The following RALGAPA2 variants were observed in gnomAD, a reference collection of about 807,000 sequenced individuals.
The protein encoded by RALGAPA2 is ral GTPase-activating protein subunit alpha-2.
In RALGAPA2, 139 loss-of-function variants were observed where a neutral mutation model predicts 230.4. The ratio of observed to expected loss-of-function variants is 0.60; its 90% CI spans 0.53 to 0.69. RALGAPA2 has a LOEUF of 0.69. Among genes scored for constraint, RALGAPA2 ranks in the 30% least tolerant of loss-of-function variants. RALGAPA2 has a pLI of 0.00. For missense variants in RALGAPA2, 2,163 were observed against 2,276.0 expected, an observed-to-expected ratio of 0.95 and a Z score of 1.01; for synonymous variants, 847 against 837.8, an observed-to-expected ratio of 1.01 and a Z score of -0.19.
intron 37 of RALGAPA2, among the ~76,000 whole-genome samples, chr20:20,465,458 C>T (rs73287275): frequency 0.038 from 5,730 of 152,148 alleles, 217 homozygotes; most frequent in East Asian, 0.15. Context: ...GGAAGCAGCA[C>T]GCTCCCTATG....
At chr20:20,704,625 C>G (rs2069523134) in intron 1 of RALGAPA2, among the ~76,000 whole-genome samples, 1 of 152,186 alleles carries the variant, frequency 6.6e-6, no homozygotes, top group African/African-American at 2.4e-5. Flanking sequence ...AAAACAAATG[C>G]CAGCAGCCCA....
At chr20:20,568,365 C>T (rs536051311) in intron 23 of RALGAPA2, among the ~76,000 whole-genome samples, 10 of 152,156 alleles carry the variant, frequency 6.6e-5, no homozygotes, top group Admixed American at 4.6e-4. Flanking sequence ...ATTAGGATAA[C>T]CAAAACTGGT....
chr20:20,536,770 C>T lies in RALGAPA2; in HGVS notation c.3300G>A (p.Glu1100=). Residue 1100 remains glutamate (E), a synonymous_variant, in exon 25 of 40, where the codon GAG becomes GAA. Coordinates refer to ENST00000202677, the MANE Select transcript of RALGAPA2 (RefSeq NM_020343.4). ...STDILTAPRS[E]AVTVLGSLVC... ...CCAGAGAGCCGAGGACAGTGACAGC[C>T]TCTGAACGAGGCGCCTGCACATAAG... 1.2e-6 allele frequency: 2 copies of T among 1,612,320 alleles called. No homozygotes were observed. Among genetic ancestry groups the T allele is most frequent in the Non-Finnish European group, 1.7e-6 (2 of 1,178,706 alleles).
At chr20:20,666,163 T>G (rs1438922329) in intron 3 of RALGAPA2, among the ~76,000 whole-genome samples, 1 of 152,216 alleles carries the variant, frequency 6.6e-6, no homozygotes, top group African/African-American at 2.4e-5. Context: ...CTAGAGACAT[T>G]CACTTTGCCA....
chr20:20,623,134 T>C (rs989362903), intron 10 of RALGAPA2, among the ~76,000 whole-genome samples: 4 of 152,204 alleles, frequency 2.6e-5, no homozygotes, highest in Non-Finnish European at 5.9e-5. Context: ...CAGCAGTTGC[T>C]ATGTTAAACG....
intron 36 of RALGAPA2, among the ~76,000 whole-genome samples, chr20:20,487,957 G>A (rs1409066815): frequency 2.0e-5 from 3 of 149,818 alleles, no homozygotes; most frequent in Non-Finnish European, 3.0e-5. Flanking sequence ...ACTTTGTTAA[G>A]AACAAAATAC....
chr20:20,506,872 T>A (rs2062551361), intron 33 of RALGAPA2, among the ~76,000 whole-genome samples: 1 of 152,158 alleles, frequency 6.6e-6, no homozygotes, highest in African/African-American at 2.4e-5. Context: ...GGAAGAGAGT[T>A]CTCTCCTTTT....
intron 23 of RALGAPA2, 147 bp from the exon 24 acceptor site, chr20:20,546,979 C>CA: frequency 1.2e-6 from 1 of 860,852 alleles, no homozygotes; most frequent in Non-Finnish European, 1.6e-6. Flanking sequence ...ATATTGGAAA[C>CA]AGAGTTACTC....
At chr20:20,587,978 T>C (rs909172883) in intron 18 of RALGAPA2, among the ~76,000 whole-genome samples, 2 of 152,050 alleles carry the variant, frequency 1.3e-5, no homozygotes, top group African/African-American at 4.8e-5. Flanking sequence ...AATCTGATAA[T>C]AGAAAGTGTT....
intron 37 of RALGAPA2, among the ~76,000 whole-genome samples, chr20:20,457,680 C>T (rs578181228): frequency 6.6e-6 from 1 of 152,324 alleles, no homozygotes; most frequent in South Asian, 2.1e-4. Context: ...CCACTCTCAC[C>T]CTTGGAGGCA....
At chr20:20,507,897 A>G (rs1291474565) in intron 33 of RALGAPA2, among the ~76,000 whole-genome samples, 2 of 152,224 alleles carry the variant, frequency 1.3e-5, no homozygotes, top group East Asian at 3.8e-4. Flanking sequence ...ATAGTTATTC[A>G]GTTTTTATCT....
chr20:20,547,751 G>A (rs574739699), intron 23 of RALGAPA2, among the ~76,000 whole-genome samples: 129 of 152,266 alleles, frequency 8.5e-4, no homozygotes, highest in African/African-American at 2.8e-3. Context: ...AAGTACAGTC[G>A]TGTCGCTTTA....
intron 23 of RALGAPA2, among the ~76,000 whole-genome samples, chr20:20,566,706 A>G (rs2064438840): frequency 6.6e-6 from 1 of 152,204 alleles, no homozygotes; most frequent in Non-Finnish European, 1.5e-5. Flanking sequence ...TCCTCATTCG[A>G]TAGATAAGGG....
intron 8 of RALGAPA2, among the ~76,000 whole-genome samples, chr20:20,636,235 T>C (rs1002639104): frequency 3.9e-5 from 6 of 152,178 alleles, no homozygotes; most frequent in African/African-American, 4.8e-5. Context: ...CCATAATCAA[T>C]ATGAAAATTA....
At chr20:20,692,591 T>C (rs1435503852) in intron 1 of RALGAPA2, among the ~76,000 whole-genome samples, 1 of 152,216 alleles carries the variant, frequency 6.6e-6, no homozygotes, top group Admixed American at 6.5e-5. Flanking sequence ...AACATGCTCC[T>C]TGCCAGTGAC....
chr20:20,478,966 AC>A (rs2061713339), intron 36 of RALGAPA2, among the ~76,000 whole-genome samples: 1 of 152,214 alleles, frequency 6.6e-6, no homozygotes, highest in African/African-American at 2.4e-5. Flanking sequence ...AATATTAGAA[AC>A]AAAAAGGAAT....
At chr20:20,498,079 C>T (rs2062264217) in intron 35 of RALGAPA2, among the ~76,000 whole-genome samples, 2 of 152,176 alleles carry the variant, frequency 1.3e-5, no homozygotes, top group African/African-American at 4.8e-5. Flanking sequence ...CTGGATGGCT[C>T]AAAGTGTTGC....
chr20:20,574,052 C>T (rs774451511), intron 20 of RALGAPA2, among the ~76,000 whole-genome samples: 15 of 152,164 alleles, frequency 9.9e-5, no homozygotes, highest in Non-Finnish European at 1.8e-4. Flanking sequence ...TTACGGTTTG[C>T]ACTCCTGCAA....
intron 1 of RALGAPA2, among the ~76,000 whole-genome samples, chr20:20,682,825 C>T (rs1272034139): frequency 6.6e-6 from 1 of 152,132 alleles, no homozygotes; most frequent in Non-Finnish European, 1.5e-5. Flanking sequence ...TATAAACCTA[C>T]AGGGAAGAAA....
Sources: allele counts gnomAD v4.1 joint callset (sites outside exome capture counted in the v4.1 genomes callset), GRCh38; gene constraint gnomAD v4.1.1; transcripts MANE v1.5; gene names NCBI Gene and HGNC (gene_info 2026-07-23, HGNC 2026-07-21).